The following TNS3 variants were observed in gnomAD, a reference collection of about 807,000 sequenced individuals.
TNS3 encodes the protein tensin 3, also known as tensin-3.
A neutral mutation model predicts 140.9 loss-of-function variants in TNS3; 45 were observed. The ratio of observed to expected loss-of-function variants is 0.32; its 90% CI spans 0.25 to 0.41. The LOEUF (loss-of-function observed/expected upper bound fraction) is 0.41, where lower values mean the gene tolerates loss of function less well. TNS3 is among the 10% of genes least tolerant of loss of function. The pLI is 1.00. For missense variants in TNS3, 1,716 were observed against 1,906.7 expected, an observed-to-expected ratio of 0.90 and a Z score of 1.86; for synonymous variants, 815 against 788.4, an observed-to-expected ratio of 1.03 and a Z score of -0.56.
At chr7:47,531,680 T>C (rs1245998059) in intron 1 of TNS3, among the ~76,000 whole-genome samples, 1 of 152,234 alleles carries the variant, frequency 6.6e-6, no homozygotes, top group Non-Finnish European at 1.5e-5. Flanking sequence ...AAAGGAAATA[T>C]ACTATTGATG....
At chr7:47,514,916 A>G (rs643676) in intron 2 of TNS3, among the ~76,000 whole-genome samples, 57,846 of 151,960 alleles carry the variant, frequency 0.38, 11,713 homozygotes, top group Non-Finnish European at 0.46. Context: ...TTGGGATATC[A>G]ATGGCAACTG....
At chr7:47,347,527 G>T (rs1415692337) in intron 17 of TNS3, among the ~76,000 whole-genome samples, 3 of 151,868 alleles carry the variant, frequency 2.0e-5, no homozygotes, top group Admixed American at 2.0e-4. Flanking sequence ...GCATGGGGGG[G>T]CTCCACTGCC....
chr7:47,324,064 C>G (rs1014663054), intron 20 of TNS3, among the ~76,000 whole-genome samples: 1 of 152,202 alleles, frequency 6.6e-6, no homozygotes. Context: ...CCTGGCAAAC[C>G]TCAGCTCTAT....
intron 2 of TNS3, among the ~76,000 whole-genome samples, chr7:47,521,319 G>A (rs544772629): frequency 5.3e-5 from 8 of 152,124 alleles, no homozygotes; most frequent in African/African-American, 9.7e-5. Context: ...ACTAGACTCC[G>A]AGCCCTTCGA....
chr7:47,429,670 C>T (rs76216219), intron 8 of TNS3, among the ~76,000 whole-genome samples: 3,442 of 152,280 alleles, frequency 0.023, 66 homozygotes, highest in East Asian at 0.077. Flanking sequence ...CCACCGCACC[C>T]GGCCTAATCT....
At chr7:47,308,830 C>T (rs55914251) in intron 20 of TNS3, among the ~76,000 whole-genome samples, 15,908 of 152,180 alleles carry the variant, frequency 0.1, 1,038 homozygotes, top group African/African-American at 0.17. Flanking sequence ...CCTCTCTTTC[C>T]AATCTTTTCA....
At chr7:47,577,094 C>T (rs191066127) in intron 1 of TNS3, among the ~76,000 whole-genome samples, 66 of 152,340 alleles carry the variant, frequency 4.3e-4, no homozygotes, top group African/African-American at 1.5e-3. Context: ...AGGTGACACA[C>T]TTTAGTCCAC....
At chr7:47,483,192 C>A (rs1797487870) in intron 3 of TNS3, among the ~76,000 whole-genome samples, 2 of 144,670 alleles carry the variant, frequency 1.4e-5, no homozygotes, top group East Asian at 2.0e-4. Flanking sequence ...TTTTTTGAGA[C>A]GGAGTCTCAC....
intron 27 of TNS3, among the ~76,000 whole-genome samples, chr7:47,288,798 T>C (rs1381050638): frequency 1.3e-5 from 2 of 152,222 alleles, no homozygotes; most frequent in Non-Finnish European, 2.9e-5. Flanking sequence ...CAATGTCCTA[T>C]TCATTTAATC....
chr7:47,280,009 A>C (rs1034316256), intron 30 of TNS3, 155 bp downstream of exon 30: 19 of 865,770 alleles, frequency 2.2e-5, no homozygotes, highest in South Asian at 1.7e-4. Flanking sequence ...CCTTGTCCAT[A>C]ATGAGAACAC....
intron 13 of TNS3, among the ~76,000 whole-genome samples, chr7:47,409,617 G>A (rs966173798): frequency 6.6e-6 from 1 of 151,966 alleles, no homozygotes; most frequent in African/African-American, 2.4e-5. Context: ...GAGGGCGGGT[G>A]CAAATCCTAC....
In TNS3 at chr7:47,582,055, G is replaced by A. The variant is rs1784548791; in HGVS notation, c.-269C>T. ...CTCCTTCCCCGGCCCCAGTACCTGGGGGAGCCTGAGGCGCGGTCCGGCAGG... is the reference window on the plus strand; with the variant it reads ...CTCCTTCCCCGGCCCCAGTACCTGGAGGAGCCTGAGGCGCGGTCCGGCAGG... On this transcript the variant is annotated 5_prime_UTR_variant, in exon 1 of 31. Transcript: ENST00000311160. 1 of 152,108 alleles carries A rather than the reference G, an allele frequency of 6.6e-6. No individual in the cohort carries two copies. 9.4% of individuals were successfully genotyped at this position (152,108 alleles called of 1,614,324 possible).
intron 1 of TNS3, chr7:47,557,153 G>A (rs767093735): frequency 2.2e-6 from 1 of 456,760 alleles, no homozygotes; most frequent in South Asian, 1.5e-5. Flanking sequence ...GACAAGTCCT[G>A]CAAATGTCCA....
Position 47,344,773 on chromosome 7 carries a change from G to A in TNS3, c.2632C>T (p.Gln878Ter). The A allele has an allele frequency of 6.2e-7, 1 of 1,612,854 alleles. No individual in the cohort carries two copies. Among genetic ancestry groups the A allele is most frequent in the African/African-American group, 1.3e-5 (1 of 75,044 alleles). ...TTCTTACCACGTCCTCCTTTGTGCT[G>A]ACTGGCTGGGCTGCTCAGCGGGGGC... ...PEPPLSSPAS[Q>*]HKGGREPRSC... The change falls in exon 20 of 31, where the codon CAG becomes TAG. Residue 878 changes from glutamine (Q) to a stop codon, truncating the protein, a stop_gained. Transcript: ENST00000311160. LOFTEE classifies it high-confidence loss of function.
At chr7:47,473,766 G>A (rs1797052560) in intron 4 of TNS3, among the ~76,000 whole-genome samples, 1 of 152,132 alleles carries the variant, frequency 6.6e-6, no homozygotes, top group Non-Finnish European at 1.5e-5. Context: ...CCAGATCACT[G>A]GATGCTCAGC....
At chr7:47,354,779 G>A (rs1789891510) in intron 17 of TNS3, among the ~76,000 whole-genome samples, 1 of 152,162 alleles carries the variant, frequency 6.6e-6, no homozygotes, top group Non-Finnish European at 1.5e-5. Context: ...GGGACAGGCA[G>A]TGGCTTTTTC....
intron 1 of TNS3, among the ~76,000 whole-genome samples, chr7:47,566,006 C>T (rs1800421468): frequency 8.6e-6 from 1 of 116,268 alleles, no homozygotes; most frequent in African/African-American, 3.3e-5. Flanking sequence ...TTAACAGCTT[C>T]ACTGGGGTTT....
At chr7:47,527,779 C>T (rs1799251570) in intron 2 of TNS3, among the ~76,000 whole-genome samples, 1 of 152,088 alleles carries the variant, frequency 6.6e-6, no homozygotes, top group Non-Finnish European at 1.5e-5. Flanking sequence ...GCATGTGGCG[C>T]ATGCCTATAG....
At chr7:47,565,992 T>C (rs1412495570) in intron 1 of TNS3, among the ~76,000 whole-genome samples, 8 of 148,666 alleles carry the variant, frequency 5.4e-5, no homozygotes, top group African/African-American at 2.0e-4. Context: ...TAAAGACATC[T>C]CAATTAACAG....
Sources: allele counts gnomAD v4.1 joint callset (sites outside exome capture counted in the v4.1 genomes callset), GRCh38; gene constraint gnomAD v4.1.1; transcripts MANE v1.5; gene names NCBI Gene and HGNC (gene_info 2026-07-23, HGNC 2026-07-21).